The following PXK variants were observed in gnomAD, a reference collection of about 807,000 sequenced individuals.
PXK encodes the protein PX domain containing serine/threonine kinase like.
PXK carries 35 observed loss-of-function variants against 84.7 expected under a neutral mutation model. That is an observed-to-expected ratio of 0.41 (90% CI 0.32 to 0.55). The LOEUF is 0.55. PXK is among the 20% of genes least tolerant of loss of function. The probability of loss-of-function intolerance (pLI) is 0.21; values close to 1 mark genes in which losing one functional copy is unlikely to be tolerated. For synonymous variants in PXK, 253 were observed against 260.8 expected (o/e 0.97, Z 0.29); for missense variants, 634 against 699.7 (o/e 0.91, Z 1.06).
intron 1 of PXK, among the ~76,000 whole-genome samples, chr3:58,351,398 TGTGTGTGTGTG>T (rs1559887073): frequency 7.0e-5 from 5 of 71,852 alleles, no homozygotes; most frequent in South Asian, 4.0e-4. Context: ...TAGCTATTTG[TGTGTGTGTGTG>T]TGTGTGTGTG....
chr3:58,390,791 G>A lies in PXK; in HGVS notation c.466+132G>A. 1.3e-6 allele frequency: 1 copy of A among 787,708 alleles called. No individual in the cohort carries two copies. Among genetic ancestry groups the A allele is most frequent in the Non-Finnish European group, 2.0e-6 (1 of 503,982 alleles). 48.8% of individuals were successfully genotyped at this position (787,708 alleles called of 1,614,324 possible). A position where few individuals can be genotyped will look rare whatever the true frequency, so the allele number is the denominator to read the frequency against. On this transcript the variant is annotated intron_variant, in intron 5 of 17. Coordinates refer to ENST00000356151, the MANE Select transcript of PXK (RefSeq NM_017771.5). The surrounding 1 kb of genome is among the most constrained non-coding windows in gnomAD (Gnocchi z 4.2). Reference sequence around the variant, plus strand: ...TTCTTTTTCTTTTTGCATATCAACTGCTTGAGGATACAGCTGGTAACTTTT... The same window carrying A: ...TTCTTTTTCTTTTTGCATATCAACTACTTGAGGATACAGCTGGTAACTTTT...
intron 1 of PXK, among the ~76,000 whole-genome samples, chr3:58,337,474 A>G (rs1040761690): frequency 1.3e-5 from 2 of 151,880 alleles, no homozygotes; most frequent in African/African-American, 4.8e-5. Flanking sequence ...TTGGATTCCA[A>G]GGTCTTTTTT....
At chr3:58,377,014 A>G (rs2098448990) in intron 3 of PXK, among the ~76,000 whole-genome samples, 1 of 152,180 alleles carries the variant, frequency 6.6e-6, no homozygotes. Flanking sequence ...TAGCTAAGTG[A>G]TGTACTTTCT....
At chr3:58,336,485 C>T (rs2097613923) in intron 1 of PXK, among the ~76,000 whole-genome samples, 1 of 152,032 alleles carries the variant, frequency 6.6e-6, no homozygotes, top group Non-Finnish European at 1.5e-5. Context: ...TCTATAAAAT[C>T]AGAAAGGCTA....
At chr3:58,338,063 C>T (rs2097654951) in intron 1 of PXK, among the ~76,000 whole-genome samples, 1 of 152,092 alleles carries the variant, frequency 6.6e-6, no homozygotes, top group African/African-American at 2.4e-5. Context: ...ATTTCTTAGC[C>T]AGGCGTGGTG....
intron 1 of PXK, among the ~76,000 whole-genome samples, chr3:58,351,395 T>TG (rs2097920196): frequency 1.4e-5 from 2 of 140,582 alleles, no homozygotes; most frequent in Non-Finnish European, 3.0e-5. Context: ...AGCTAGCTAT[T>TG]TGTGTGTGTG....
rs1005595893 is a variant in PXK at position 58,425,886 on chromosome 3, T to C, written c.*926T>C. The C allele has an allele frequency of 6.6e-6, 1 of 152,250 alleles. No homozygotes were observed. The highest frequency in any genetic ancestry group is 2.4e-5 in the African/African-American group (1 of 41,468). The allele number at this position is 152,250 out of a possible 1,614,324, so 9.4% of individuals were successfully genotyped here. A position where few individuals can be genotyped will look rare whatever the true frequency, so the allele number is the denominator to read the frequency against. On this transcript the variant is annotated 3_prime_UTR_variant, in exon 18 of 18. Transcript: ENST00000356151. ...TTAAACCTTTCAATAAATTGCACTT[T>C]AAAGGATTATAAATAATCCATTTAA... is the stretch of plus-strand genomic sequence containing the variant.
chr3:58,333,657 T>C lies in PXK; in HGVS notation c.102+567T>C. ...GCTTGGCCCTGGTCCCGGGAAGTGG[T>C]GGGGGCGGCAGTCGGGGCGCTGTTA... On this transcript the variant is annotated intron_variant, in intron 1 of 17. Coordinates refer to ENST00000356151, the MANE Select transcript of PXK (RefSeq NM_017771.5). This position sits in a 1 kb window ranked among gnomAD's most constrained non-coding sequence, Gnocchi z 5.4. 2.2e-6 allele frequency: 1 copy of C among 456,454 alleles called. No individual in the cohort carries two copies. The highest frequency in any genetic ancestry group is 4.4e-6 in the Non-Finnish European group (1 of 226,862). 28.3% of individuals were successfully genotyped at this position (456,454 alleles called of 1,614,324 possible).
intron 1 of PXK, among the ~76,000 whole-genome samples, chr3:58,346,767 C>T (rs767332307): frequency 5.3e-5 from 8 of 151,468 alleles, no homozygotes; most frequent in Non-Finnish European, 8.8e-5. Flanking sequence ...AAGCGGTCCT[C>T]CCACTTCAGC....
At chr3:58,350,511 G>A (rs2097902131) in intron 1 of PXK, among the ~76,000 whole-genome samples, 1 of 152,182 alleles carries the variant, frequency 6.6e-6, no homozygotes, top group Admixed American at 6.5e-5. Flanking sequence ...AGTCCTTGGA[G>A]CATGTGAAAG....
At chr3:58,396,915 C>T (rs1463297324) in intron 9 of PXK, 124 bp from the exon 10 acceptor site, 1 of 1,044,052 alleles carries the variant, frequency 9.6e-7, no homozygotes, top group South Asian at 1.9e-5. Context: ...CATTTTTCTT[C>T]AGGAATCTTC....
chr3:58,412,795 C>G lies in PXK; in HGVS notation c.1466-106C>G. On this transcript the variant is annotated intron_variant, in intron 16 of 17. Transcript: ENST00000356151. This position sits in a 1 kb window ranked among gnomAD's most constrained non-coding sequence, Gnocchi z 6.2. ...ATCATCTTGTTTCACAAGGCTCACA[C>G]ACTAAGCCAAATGTAGATTCTCAGA... 8.7e-7 allele frequency: 1 copy of G among 1,153,194 alleles called. No homozygotes were observed. Among genetic ancestry groups the G allele is most frequent in the South Asian group, 1.2e-5 (1 of 80,508 alleles). 71.4% of individuals were successfully genotyped at this position (1,153,194 alleles called of 1,614,324 possible).
chr3:58,378,913 A>T (rs2098471528), intron 3 of PXK, among the ~76,000 whole-genome samples: 1 of 145,046 alleles, frequency 6.9e-6, no homozygotes, highest in Non-Finnish European at 1.5e-5. Context: ...GTAGCCCTTT[A>T]TTATTATTAT....
intron 4 of PXK, among the ~76,000 whole-genome samples, chr3:58,387,281 T>C (rs2098559132): frequency 6.6e-6 from 1 of 152,238 alleles, no homozygotes; most frequent in African/African-American, 2.4e-5. Context: ...AGAGGGCAGA[T>C]GCCTTCCTTC....
intron 1 of PXK, among the ~76,000 whole-genome samples, chr3:58,362,194 A>G (rs1256552675): frequency 6.6e-6 from 1 of 152,240 alleles, no homozygotes; most frequent in East Asian, 1.9e-4. Context: ...GTTCTTTCAT[A>G]GAAAAATGTT....
At position 58,401,819 on chromosome 3, in the gene PXK, C is replaced by G. The variant is rs1443215479; in HGVS notation, c.1182-2043C>G. ...GCGGGCGTCTGTAGTCCCAGCTACC[C>G]AGGAGGCGGAGTTTGCACTGGAGCG... On this transcript the variant is annotated intron_variant, in intron 12 of 17. Coordinates refer to ENST00000356151, the MANE Select transcript of PXK (RefSeq NM_017771.5). The surrounding 1 kb of genome is among the most constrained non-coding windows in gnomAD (Gnocchi z 4.4). Among the ~76,000 whole-genome samples, 1 of 151,772 alleles carries G rather than the reference C, an allele frequency of 6.6e-6. No individual in the cohort carries two copies. Among genetic ancestry groups the G allele is most frequent in the Non-Finnish European group, 1.5e-5 (1 of 67,940 alleles).
In PXK at chr3:58,390,448, TTA is replaced by T; in HGVS notation, c.389-132_389-131del. 1 of 488,236 alleles carries T rather than the reference TTA, an allele frequency of 2.0e-6. No individual in the cohort carries two copies. The highest frequency in any genetic ancestry group is 2.0e-5 in the African/African-American group (1 of 50,756). 30.2% of individuals were successfully genotyped at this position (488,236 alleles called of 1,614,324 possible). ...TTGTGTGTATTTTCTTTCTTTATTA[TTA>T]TTTTTTTTTTGGTAATTAAGTTTTT... On this transcript the variant is annotated intron_variant, in intron 4 of 17. Transcript: ENST00000356151. The surrounding 1 kb of genome is among the most constrained non-coding windows in gnomAD (Gnocchi z 4.2).
At chr3:58,348,911 G>C (rs993525384) in intron 1 of PXK, among the ~76,000 whole-genome samples, 1 of 149,902 alleles carries the variant, frequency 6.7e-6, no homozygotes, top group African/African-American at 2.5e-5. Context: ...GACCCTGTCT[G>C]TACTTTTTTT....
intron 17 of PXK, chr3:58,423,144 C>T: frequency 1.0e-6 from 1 of 985,272 alleles, no homozygotes; most frequent in Non-Finnish European, 1.2e-6. Flanking sequence ...CCTGGTATTT[C>T]ACTGGTTGCT....
Sources: gnomAD v4.1 joint callset for allele counts (sites outside exome capture counted in the v4.1 genomes callset) on GRCh38, gnomAD v4.1.1 for gene constraint, Gnocchi (gnomAD v3.1) non-coding constraint, MANE v1.5 for transcripts, NCBI Gene and HGNC (gene_info 2026-07-23, HGNC 2026-07-21) for gene names.